The following MACROD2 variants were observed in gnomAD, a reference collection of about 807,000 sequenced individuals.
MACROD2 encodes ADP-ribose glycohydrolase MACROD2.
A neutral mutation model predicts 70.4 loss-of-function variants in MACROD2; 36 were observed. The ratio of observed to expected loss-of-function variants is 0.51; its 90% CI spans 0.39 to 0.68. MACROD2 has a LOEUF of 0.68. Ranked by LOEUF, MACROD2 falls within the 30% of genes least tolerant of loss-of-function variation. MACROD2 has a pLI of 0.00. For synonymous variants in MACROD2, 172 were observed against 178.8 expected (o/e 0.96, Z 0.30); for missense variants, 496 against 538.4 (o/e 0.92, Z 0.78).
intron 6 of MACROD2, among the ~76,000 whole-genome samples, chr20:15,256,975 A>G (rs1426982071): frequency 6.6e-6 from 1 of 152,032 alleles, no homozygotes; most frequent in African/African-American, 2.4e-5. Context: ...TAAACACACT[A>G]AAAAGTGTGT....
At chr20:14,869,579 C>T (rs1253724494) in intron 5 of MACROD2, among the ~76,000 whole-genome samples, 1 of 152,136 alleles carries the variant, frequency 6.6e-6, no homozygotes, top group Non-Finnish European at 1.5e-5. Context: ...CTCCCTCTTT[C>T]TTTATCTTGC....
At chr20:14,345,480 G>A (rs918017910) in intron 3 of MACROD2, among the ~76,000 whole-genome samples, 4 of 151,430 alleles carry the variant, frequency 2.6e-5, no homozygotes, top group African/African-American at 7.3e-5. Flanking sequence ...TCATATTTGT[G>A]TCTTGTTTTC....
intron 8 of MACROD2, among the ~76,000 whole-genome samples, chr20:15,656,828 G>A (rs968949161): frequency 7.9e-5 from 12 of 151,894 alleles, no homozygotes; most frequent in African/African-American, 2.9e-4. Context: ...CTCCAGTCCT[G>A]CCCCCAAGAA....
chr20:15,189,756 C>G (rs1237488139), intron 5 of MACROD2, among the ~76,000 whole-genome samples: 1 of 151,438 alleles, frequency 6.6e-6, no homozygotes, highest in East Asian at 1.9e-4. Flanking sequence ...AGATCCTCTT[C>G]AGTGCATTAG....
At chr20:14,981,106 G>GC (rs1207395087) in intron 5 of MACROD2, among the ~76,000 whole-genome samples, 4 of 151,664 alleles carry the variant, frequency 2.6e-5, no homozygotes, top group Admixed American at 6.6e-5. Flanking sequence ...TTGGGGGAAT[G>GC]CCCCCATTTC....
chr20:15,469,792 C>G (rs1368427478), intron 7 of MACROD2, among the ~76,000 whole-genome samples: 2 of 152,130 alleles, frequency 1.3e-5, no homozygotes, highest in Non-Finnish European at 2.9e-5. Context: ...AATATTACTC[C>G]TAGCAGTAAT....
intron 3 of MACROD2, among the ~76,000 whole-genome samples, chr20:14,289,489 A>G (rs2082369108): frequency 6.6e-6 from 1 of 152,142 alleles, no homozygotes; most frequent in South Asian, 2.1e-4. Context: ...CATTGATAAA[A>G]TGTTTACTTT....
chr20:15,313,400 G>A (rs1251983937), intron 6 of MACROD2, among the ~76,000 whole-genome samples: 3 of 151,604 alleles, frequency 2.0e-5, no homozygotes, highest in Non-Finnish European at 4.4e-5. Context: ...CCAGCTACTC[G>A]GGAGGCTGAG....
intron 3 of MACROD2, among the ~76,000 whole-genome samples, chr20:14,322,200 A>ATATATATATATATATATG (rs1318380598): frequency 7.5e-6 from 1 of 133,186 alleles, no homozygotes; most frequent in Non-Finnish European, 1.6e-5. Context: ...ATATATATAT[A>ATATATATATATATATATG]TTTTGTATTT....
At chr20:14,254,524 C>A (rs1036694607) in intron 3 of MACROD2, among the ~76,000 whole-genome samples, 1 of 151,704 alleles carries the variant, frequency 6.6e-6, no homozygotes, top group African/African-American at 2.4e-5. Context: ...TAATTATATT[C>A]TCTTTAGTCA....
chr20:15,028,433 A>G (rs773477248), intron 5 of MACROD2, among the ~76,000 whole-genome samples: 1 of 152,198 alleles, frequency 6.6e-6, no homozygotes, highest in Non-Finnish European at 1.5e-5. Flanking sequence ...TACTGCAAAC[A>G]AGGTCTGGCA....
chr20:15,957,007 G>T (rs989182999), intron 12 of MACROD2, among the ~76,000 whole-genome samples: 1 of 152,118 alleles, frequency 6.6e-6, no homozygotes, highest in Non-Finnish European at 1.5e-5. Context: ...TTTCACAAAC[G>T]TAATGTTGTG....
At chr20:14,664,289 A>G (rs1398965351) in intron 4 of MACROD2, among the ~76,000 whole-genome samples, 1 of 152,126 alleles carries the variant, frequency 6.6e-6, no homozygotes, top group Non-Finnish European at 1.5e-5. Context: ...AAATGCTGAC[A>G]TTCAGGCATA....
chr20:15,967,032 C>G (rs1272950523), intron 12 of MACROD2, among the ~76,000 whole-genome samples: 3 of 152,144 alleles, frequency 2.0e-5, no homozygotes, highest in Non-Finnish European at 2.9e-5. Flanking sequence ...AGGGAATGAC[C>G]TTGCAGAGAC....
intron 6 of MACROD2, among the ~76,000 whole-genome samples, chr20:15,287,829 A>G (rs971178230): frequency 1.3e-5 from 2 of 152,214 alleles, no homozygotes; most frequent in Non-Finnish European, 2.9e-5. Context: ...TGCTTTTATG[A>G]TTAAGGAGCT....
intron 7 of MACROD2, among the ~76,000 whole-genome samples, chr20:15,470,889 C>T (rs2046955903): frequency 6.6e-6 from 1 of 152,176 alleles, no homozygotes; most frequent in Non-Finnish European, 1.5e-5. Context: ...TCCTCCCTCA[C>T]TTCCTTCTTT....
chr20:15,369,291 G>C (rs1390261132), intron 6 of MACROD2, among the ~76,000 whole-genome samples: 1 of 152,172 alleles, frequency 6.6e-6, no homozygotes, highest in African/African-American at 2.4e-5. Context: ...GTGCTGTAAA[G>C]TTGCTAGTTG....
intron 3 of MACROD2, among the ~76,000 whole-genome samples, chr20:14,193,070 G>A (rs2081401313): frequency 6.6e-6 from 1 of 152,200 alleles, no homozygotes; most frequent in Non-Finnish European, 1.5e-5. Flanking sequence ...AGCCTGACAT[G>A]TTACAAATAT....
intron 3 of MACROD2, among the ~76,000 whole-genome samples, chr20:14,227,361 G>A (rs2081749362): frequency 6.6e-6 from 1 of 152,114 alleles, no homozygotes; most frequent in African/African-American, 2.4e-5. Context: ...TCTTGGTACT[G>A]TTCTCTCTTT....
Sources: gnomAD v4.1 joint callset for allele counts (sites outside exome capture counted in the v4.1 genomes callset) on GRCh38, gnomAD v4.1.1 for gene constraint, MANE v1.5 for transcripts, NCBI Gene and HGNC (gene_info 2026-07-23, HGNC 2026-07-21) for gene names.